Variants in TBX15 observed in about 807,000 individuals in gnomAD.
The protein encoded by TBX15 is T-box transcription factor TBX15.
In TBX15, 18 loss-of-function variants were observed where a neutral mutation model predicts 53.9. That is an observed-to-expected ratio of 0.33 (90% CI 0.23 to 0.49). The LOEUF is 0.49. Ranked by LOEUF, TBX15 falls within the 20% of genes least tolerant of loss-of-function variation. TBX15 has a pLI of 0.98. For synonymous variants in TBX15, 295 were observed against 278.0 expected (o/e 1.06, Z -0.61); for missense variants, 692 against 749.5 (o/e 0.92, Z 0.90).
intron 2 of TBX15, among the ~76,000 whole-genome samples, chr1:118,927,842 G>A (rs1385816820): frequency 6.6e-6 from 1 of 152,164 alleles, no homozygotes; most frequent in African/African-American, 2.4e-5. Context: ...TTTGTATCAA[G>A]CCGGACATAA....
At chr1:118,953,058 T>C (rs6667873) in intron 1 of TBX15, among the ~76,000 whole-genome samples, 26,541 of 151,114 alleles carry the variant, frequency 0.18, 2,947 homozygotes, top group East Asian at 0.5. Flanking sequence ...CATTTTTCCA[T>C]GTTGCCAAGG....
chr1:118,970,966 C>T (rs1489395832), intron 1 of TBX15, among the ~76,000 whole-genome samples: 1 of 152,226 alleles, frequency 6.6e-6, no homozygotes, highest in Non-Finnish European at 1.5e-5. Flanking sequence ...CTCAGGAAAA[C>T]ACACACTATC....
intron 6 of TBX15, among the ~76,000 whole-genome samples, chr1:118,905,261 C>T (rs541758007): frequency 6.6e-5 from 10 of 152,272 alleles, no homozygotes; most frequent in African/African-American, 2.4e-4. Context: ...TCCCTCTAGG[C>T]CTCATTATCT....
chr1:118,896,847 G>A (rs141410430), intron 7 of TBX15, among the ~76,000 whole-genome samples: 10 of 152,260 alleles, frequency 6.6e-5, no homozygotes, highest in South Asian at 2.1e-4. Flanking sequence ...CTTTGTTAAC[G>A]TCAAGAAACC....
intron 6 of TBX15, among the ~76,000 whole-genome samples, chr1:118,903,166 G>C (rs772942333): frequency 6.6e-6 from 1 of 152,014 alleles, no homozygotes; most frequent in African/African-American, 2.4e-5. Context: ...TCACCTCTCC[G>C]GTTTCCAGGC....
intron 1 of TBX15, among the ~76,000 whole-genome samples, chr1:118,936,624 G>A (rs2101624758): frequency 6.6e-6 from 1 of 152,276 alleles, no homozygotes; most frequent in Non-Finnish European, 1.5e-5. Flanking sequence ...ACTTGGGACA[G>A]GGAGATGAAT....
chr1:118,924,682 G>C lies in TBX15; in HGVS notation c.657C>G (p.Leu219=). The change falls in exon 4 of 8, where the codon CTC becomes CTG. Residue 219 remains leucine, a synonymous_variant. Coordinates refer to ENST00000369429, the MANE Select transcript of TBX15 (RefSeq NM_001330677.2). ...CATCCAACTCATTGTTGGTAAGCTT[G>C]AGTTTGTCAAAACTGACCACCTGTC... is the stretch of plus-strand genomic sequence containing the variant. The part of the protein sequence containing the change: ...WMRQVVSFDK[L]KLTNNELDDQ... 1 of 1,614,036 alleles carries C rather than the reference G, an allele frequency of 6.2e-7. No homozygotes were observed. The highest frequency in any genetic ancestry group is 8.5e-7 in the Non-Finnish European group (1 of 1,179,944).
At chr1:118,899,199 G>C in intron 6 of TBX15, 74 bp from the exon 7 acceptor site, 1 of 1,342,694 alleles carries the variant, frequency 7.4e-7, no homozygotes. Context: ...GAGATCCAGA[G>C]GTGGACTGTC....
intron 7 of TBX15, among the ~76,000 whole-genome samples, chr1:118,886,865 G>A (rs1653961644): frequency 6.6e-6 from 1 of 152,296 alleles, no homozygotes; most frequent in South Asian, 2.1e-4. Flanking sequence ...ATTTCCAAAA[G>A]TCCCTAAATC....
At chr1:118,907,999 A>C (rs773875716) in intron 6 of TBX15, among the ~76,000 whole-genome samples, 2 of 152,122 alleles carry the variant, frequency 1.3e-5, no homozygotes, top group East Asian at 3.9e-4. Context: ...AGGCTAAATC[A>C]ATGTCTTACA....
At chr1:118,897,040 T>C (rs1654454571) in intron 7 of TBX15, among the ~76,000 whole-genome samples, 1 of 152,208 alleles carries the variant, frequency 6.6e-6, no homozygotes, top group Non-Finnish European at 1.5e-5. Flanking sequence ...ACTGAAGCGT[T>C]TTGAAAGTTC....
chr1:118,912,023 C>G (rs1310260428), intron 6 of TBX15, among the ~76,000 whole-genome samples: 5 of 152,164 alleles, frequency 3.3e-5, no homozygotes, highest in Non-Finnish European at 4.4e-5. Context: ...AAAGTATGTT[C>G]AGATGGCAAT....
intron 1 of TBX15, among the ~76,000 whole-genome samples, chr1:118,958,450 A>AT (rs1341601100): frequency 1.3e-5 from 2 of 152,026 alleles, no homozygotes; most frequent in Non-Finnish European, 2.9e-5. Flanking sequence ...AGTATTCGTG[A>AT]TTTTTTCTTT....
chr1:118,901,334 G>T, intron 6 of TBX15: 1 of 456,312 alleles, frequency 2.2e-6, no homozygotes, highest in Non-Finnish European at 4.4e-6. Context: ...CTTTCATCAG[G>T]AACACACTCC....
chr1:118,944,728 T>C (rs1449441664), intron 1 of TBX15, among the ~76,000 whole-genome samples: 1 of 152,196 alleles, frequency 6.6e-6, no homozygotes, highest in Non-Finnish European at 1.5e-5. Context: ...GGCCATGGCA[T>C]TTAAGCACTG....
intron 1 of TBX15, among the ~76,000 whole-genome samples, chr1:118,968,844 C>CT (rs966833189): frequency 2.6e-5 from 4 of 152,112 alleles, no homozygotes; most frequent in Non-Finnish European, 4.4e-5. Context: ...CCTAGACCCT[C>CT]TTTTTGAGGA....
chr1:118,952,718 G>C (rs554268753), intron 1 of TBX15, among the ~76,000 whole-genome samples: 2 of 152,294 alleles, frequency 1.3e-5, no homozygotes, highest in African/African-American at 2.4e-5. Flanking sequence ...GCTAGCCATA[G>C]TAGTTTTGAC....
intron 1 of TBX15, among the ~76,000 whole-genome samples, chr1:118,970,915 A>T (rs1389055784): frequency 6.6e-6 from 1 of 152,142 alleles, no homozygotes; most frequent in Non-Finnish European, 1.5e-5. Flanking sequence ...AGCCAGAAAA[A>T]ATTTCTGTCA....
In TBX15 at chr1:118,924,641, C is replaced by T; in HGVS notation, c.693+5G>A. The T allele has an allele frequency of 6.2e-7, 1 of 1,613,976 alleles. No individual in the cohort carries two copies. Among genetic ancestry groups the T allele is most frequent in the Non-Finnish European group, 8.5e-7 (1 of 1,179,894 alleles). On this transcript the variant is annotated splice_donor_5th_base_variant and intron_variant, in intron 4 of 7. Transcript: ENST00000369429. ...AGAAAGGGGAGATAGGATTCTTTGACTCACATGTCCTTGATCATCCAACTC... is the reference window on the plus strand; with the variant it reads ...AGAAAGGGGAGATAGGATTCTTTGATTCACATGTCCTTGATCATCCAACTC...
Sources: gnomAD v4.1 joint callset for allele counts (sites outside exome capture counted in the v4.1 genomes callset) on GRCh38, gnomAD v4.1.1 for gene constraint, MANE v1.5 for transcripts, NCBI Gene and HGNC (gene_info 2026-07-23, HGNC 2026-07-21) for gene names.